Variants in ROCK2 observed in about 807,000 individuals in gnomAD.
ROCK2 encodes the protein rho-associated protein kinase 2.
Under a neutral mutation model 195.1 loss-of-function variants are expected in ROCK2, and 61 were observed. The observed-to-expected ratio is 0.31, with a 90% CI of 0.25 to 0.39. ROCK2 has a LOEUF of 0.39. Among genes scored for constraint, ROCK2 ranks in the 10% least tolerant of loss-of-function variants. The pLI is 1.00. For synonymous variants in ROCK2, 504 were observed against 545.5 expected, an observed-to-expected ratio of 0.92 and a Z score of 1.06; for missense variants, 1,109 against 1,637.4, an observed-to-expected ratio of 0.68 and a Z score of 5.57.
chr2:11,324,857 G>A (rs959720514), intron 1 of ROCK2, among the ~76,000 whole-genome samples: 11 of 152,152 alleles, frequency 7.2e-5, no homozygotes, highest in African/African-American at 2.2e-4. Flanking sequence ...GGTCTCAAGT[G>A]CTTATTATTT....
At chr2:11,227,774 T>G (rs1010666174) in intron 5 of ROCK2, among the ~76,000 whole-genome samples, 1 of 152,042 alleles carries the variant, frequency 6.6e-6, no homozygotes, top group Non-Finnish European at 1.5e-5. Flanking sequence ...AAAGAATCAT[T>G]AGAGAAAGGA....
In ROCK2 at chr2:11,215,046, G is replaced by C; in HGVS notation, c.1730C>G (p.Thr577Ser). 1 of 1,614,056 alleles carries C rather than the reference G, an allele frequency of 6.2e-7. No individual in the cohort carries two copies. ...TNALLRTESD[T>S]AARLRKTQAE... ...CTGGGTTTTCCTTAACCGGGCTGCA[G>C]TATCAGACTCTGTTCGCAGTAAAGC... The change falls in exon 16 of 33, where the codon ACT (threonine) becomes AGT (serine). Residue 577 changes from threonine (T) to serine (S), a missense_variant. By Grantham distance (58) the Thr-to-Ser change is moderately conservative. This residue lies in a region of ROCK2 where 542 missense variants were observed against 672.0 expected (regional missense o/e 0.81). Transcript: ENST00000315872.
chr2:11,209,000 A>T (rs556311287), intron 18 of ROCK2, among the ~76,000 whole-genome samples: 14 of 152,378 alleles, frequency 9.2e-5, no homozygotes, highest in African/African-American at 3.4e-4. Context: ...TTCTAATGGA[A>T]GCAAGATAGT....
intron 13 of ROCK2, 40 bp from the exon 14 acceptor site, chr2:11,215,685 T>C (rs1269969949): frequency 3.3e-6 from 5 of 1,526,548 alleles, no homozygotes; most frequent in Admixed American, 4.4e-5. Context: ...AAAGTATGTA[T>C]AAAAATGAAA....
chr2:11,232,751 G>A (rs1345150331), intron 5 of ROCK2, among the ~76,000 whole-genome samples: 1 of 152,108 alleles, frequency 6.6e-6, no homozygotes, highest in Non-Finnish European at 1.5e-5. Context: ...TAACACAATG[G>A]AAGATGATAT....
intron 17 of ROCK2, 90 bp from the exon 18 acceptor site, chr2:11,211,930 G>C: frequency 3.0e-6 from 3 of 988,254 alleles, no homozygotes; most frequent in Non-Finnish European, 4.3e-6. Context: ...TTTTGAGACA[G>C]AGTCTTGCTC....
chr2:11,257,689 C>G (rs993328719), intron 3 of ROCK2, among the ~76,000 whole-genome samples: 1 of 151,234 alleles, frequency 6.6e-6, no homozygotes, highest in African/African-American at 2.5e-5. Flanking sequence ...GAGATGGCGG[C>G]CCATGGGAAG....
intron 1 of ROCK2, among the ~76,000 whole-genome samples, chr2:11,336,223 T>C (rs1046605756): frequency 2.0e-5 from 3 of 152,226 alleles, no homozygotes; most frequent in Non-Finnish European, 4.4e-5. Flanking sequence ...TGGTTGTCAC[T>C]TCCCTCAGGT....
intron 4 of ROCK2, among the ~76,000 whole-genome samples, chr2:11,245,564 A>G (rs1404290824): frequency 6.6e-6 from 1 of 152,164 alleles, no homozygotes; most frequent in Non-Finnish European, 1.5e-5. Context: ...ATACCATCTG[A>G]CCTAGCAATC....
chr2:11,196,497 C>T (rs1002671217), intron 27 of ROCK2, among the ~76,000 whole-genome samples: 2 of 152,196 alleles, frequency 1.3e-5, no homozygotes, highest in African/African-American at 4.8e-5. Context: ...TCAATTATAA[C>T]AGCAATGCCA....
At chr2:11,296,005 G>GGAGAGAGAGAGAGAGGGGAGA (rs1667516935) in intron 1 of ROCK2, among the ~76,000 whole-genome samples, 4 of 10,342 alleles carry the variant, frequency 3.9e-4, no homozygotes, top group Admixed American at 2.3e-3. Context: ...GAGAGAGAGA[G>GGAGAGAGAGAGAGAGGGGAGA]GAGAGAGAGA....
At chr2:11,282,607 C>CAAAAAAAAAAAAAAAAAAAAAAAAAA (rs70953381) in intron 3 of ROCK2, among the ~76,000 whole-genome samples, 57 of 123,338 alleles carry the variant, frequency 4.6e-4, no homozygotes, top group Non-Finnish European at 8.0e-4. Flanking sequence ...TATCTACATG[C>CAAAAAAAAAAAAAAAAAAAAAAAAAA]AAAAAAAAAA....
chr2:11,207,963 A>C (rs1432104475), intron 19 of ROCK2, 53 bp from the exon 20 acceptor site: 2 of 1,298,658 alleles, frequency 1.5e-6, no homozygotes, highest in Non-Finnish European at 2.0e-6. Flanking sequence ...CCATTTTTCT[A>C]ATCAATGAAG....
intron 1 of ROCK2, among the ~76,000 whole-genome samples, chr2:11,335,111 ACACAC>A (rs1668887383): frequency 4.6e-4 from 3 of 6,490 alleles, no homozygotes; most frequent in South Asian, 8.5e-3. Flanking sequence ...TGACTGATAC[ACACAC>A]ACACACACAC....
At chr2:11,196,981 T>C (rs547419219) in intron 27 of ROCK2, among the ~76,000 whole-genome samples, 199 bp downstream of exon 27, 1 of 152,338 alleles carries the variant, frequency 6.6e-6, no homozygotes, top group South Asian at 2.1e-4. Context: ...TTTTCTTTTG[T>C]ATGTTTATGA....
At position 11,197,759 on chromosome 2, in the gene ROCK2, G is replaced by A; in HGVS notation, c.3100-54C>T. The A allele has an allele frequency of 8.0e-7, 1 of 1,247,628 alleles. No individual in the cohort carries two copies. Among genetic ancestry groups the A allele is most frequent in the Non-Finnish European group, 1.1e-6 (1 of 946,852 alleles). The allele number at this position is 1,247,628 out of a possible 1,614,324, so 77.3% of individuals were successfully genotyped here. A position where few individuals can be genotyped will look rare whatever the true frequency, so the allele number is the denominator to read the frequency against. On this transcript the variant is annotated intron_variant, in intron 25 of 32. Coordinates refer to ENST00000315872, the MANE Select transcript of ROCK2 (RefSeq NM_004850.5). This position sits in a 1 kb window ranked among gnomAD's most constrained non-coding sequence, Gnocchi z 4.9. Reference sequence around the variant, plus strand: ...CATAAATAAAATAAATTACGTTTATGGTTTCTCAGTATCTCATCAAGAGCA... The same window carrying A: ...CATAAATAAAATAAATTACGTTTATAGTTTCTCAGTATCTCATCAAGAGCA...
intron 15 of ROCK2, 47 bp downstream of exon 15, chr2:11,215,274 G>A (rs371765013): frequency 1.0e-4 from 148 of 1,466,670 alleles, no homozygotes; most frequent in Admixed American, 2.9e-4. Flanking sequence ...ATGTTATCGC[G>A]TTAAAAATAA....
At chr2:11,315,641 G>A (rs1668168587) in intron 1 of ROCK2, among the ~76,000 whole-genome samples, 1 of 151,862 alleles carries the variant, frequency 6.6e-6, no homozygotes, top group Non-Finnish European at 1.5e-5. Flanking sequence ...AACAAGCAAA[G>A]TCCTATTTGT....
chr2:11,299,713 C>T (rs187733775), intron 1 of ROCK2, among the ~76,000 whole-genome samples: 1 of 152,296 alleles, frequency 6.6e-6, no homozygotes, highest in Admixed American at 6.5e-5. Flanking sequence ...TTTTAAAGGA[C>T]GCACGCTTCT....
Sources: gnomAD v4.1 joint callset for allele counts (sites outside exome capture counted in the v4.1 genomes callset) on GRCh38, gnomAD v4.1.1 for gene constraint, gnomAD v4.1.1 regional missense constraint, Gnocchi (gnomAD v3.1) non-coding constraint, MANE v1.5 for transcripts, NCBI Gene and HGNC (gene_info 2026-07-23, HGNC 2026-07-21) for gene names.